LIMCH1: variants seen among roughly 807,000 people sequenced by gnomAD.
The protein encoded by LIMCH1 is LIM and calponin homology domains 1, also known as LIM and calponin homology domains-containing protein 1.
In LIMCH1, 113 loss-of-function variants were observed where a neutral mutation model predicts 176.5. That is an observed-to-expected ratio of 0.64 (90% confidence interval 0.55 to 0.75). LIMCH1 has a LOEUF of 0.75. LIMCH1 is among the 30% of genes least tolerant of loss of function. The pLI is 0.00. For missense variants in LIMCH1, 1,674 were observed against 1,814.9 expected (o/e 0.92, Z 1.41); for synonymous variants, 619 against 645.9 (o/e 0.96, Z 0.63).
chr4:41,674,113 C>G (rs2095139990), intron 22 of LIMCH1, among the ~76,000 whole-genome samples: 1 of 152,138 alleles, frequency 6.6e-6, no homozygotes, highest in South Asian at 2.1e-4. Context: ...CCTTTATCCT[C>G]CTCTTAAAAT....
chr4:41,553,322 A>G (rs2080791770), intron 1 of LIMCH1, among the ~76,000 whole-genome samples: 1 of 152,202 alleles, frequency 6.6e-6, no homozygotes, highest in African/African-American at 2.4e-5. Context: ...ATATATTCAC[A>G]AAGTGCTGTG....
At position 41,432,072 on chromosome 4, in the gene LIMCH1, A is replaced by G. The variant is rs2061652628; in HGVS notation, c.97-62464A>G. Among the ~76,000 whole-genome samples, 3 of 152,228 alleles carry G rather than the reference A, an allele frequency of 2.0e-5. 1 individual carries two copies. In the South Asian group the frequency reaches 6.2e-4, roughly 31 times the overall value. ...GGATGTTAAATAATTTGTCCAAGGCAGTATACTTAGTAAGATTAGCACTGG... is the reference window on the plus strand; with the variant it reads ...GGATGTTAAATAATTTGTCCAAGGCGGTATACTTAGTAAGATTAGCACTGG... On this transcript the variant is annotated intron_variant, in intron 1 of 26. Transcript: ENST00000313860.
At chr4:41,679,526 A>G (rs1713903821) in intron 23 of LIMCH1, among the ~76,000 whole-genome samples, 1 of 152,228 alleles carries the variant, frequency 6.6e-6, no homozygotes, top group Non-Finnish European at 1.5e-5. Flanking sequence ...GCAAAGAGTA[A>G]TTCAGCTATT....
At chr4:41,397,907 T>C (rs1479382818) in intron 1 of LIMCH1, among the ~76,000 whole-genome samples, 1 of 152,092 alleles carries the variant, frequency 6.6e-6, no homozygotes, top group Non-Finnish European at 1.5e-5. Context: ...AATTACAATT[T>C]TTATATTATG....
chr4:41,638,111 G>GTT (rs72184052), intron 13 of LIMCH1, among the ~76,000 whole-genome samples: 19,481 of 91,452 alleles, frequency 0.21, 1,508 homozygotes, highest in Admixed American at 0.33. Flanking sequence ...TTTTGTTGTT[G>GTT]TTGTTGTTGT....
At chr4:41,584,408 T>C (rs533587757) in intron 1 of LIMCH1, among the ~76,000 whole-genome samples, 1 of 152,322 alleles carries the variant, frequency 6.6e-6, no homozygotes, top group East Asian at 1.9e-4. Context: ...TGTGTTTCAG[T>C]AGTTCATCTG....
chr4:41,545,357 A>T (rs2079221427), intron 1 of LIMCH1, among the ~76,000 whole-genome samples: 1 of 152,194 alleles, frequency 6.6e-6, no homozygotes, highest in South Asian at 2.1e-4. Context: ...AGGATCTTTG[A>T]GTTCTGGATC....
At chr4:41,564,853 G>T (rs1445517291) in intron 1 of LIMCH1, among the ~76,000 whole-genome samples, 2 of 152,052 alleles carry the variant, frequency 1.3e-5, no homozygotes, top group African/African-American at 2.4e-5. Flanking sequence ...GAGTTGTCAC[G>T]AGATCTTATG....
At chr4:41,419,295 A>C (rs932930199) in intron 1 of LIMCH1, among the ~76,000 whole-genome samples, 1 of 152,020 alleles carries the variant, frequency 6.6e-6, no homozygotes, top group Admixed American at 6.6e-5. Flanking sequence ...CTCCTGCCTC[A>C]GCCTCCCGAG....
chr4:41,524,464 C>T, exon 3 of LIMCH1: 2 of 1,613,040 alleles, frequency 1.2e-6, no homozygotes, highest in South Asian at 1.1e-5. Flanking sequence ...ATTGCCTACC[C>T]CCATTGCAGG....
chr4:41,369,939 A>AGTGT (rs113302113), intron 1 of LIMCH1, among the ~76,000 whole-genome samples: 15 of 138,342 alleles, frequency 1.1e-4, no homozygotes, highest in South Asian at 4.9e-4. Context: ...CAGGAAGCAA[A>AGTGT]GTGTGTGTGT....
chr4:41,646,428 GTCT>G, intron 16 of LIMCH1, 54 bp from the exon 17 acceptor site: 1 of 1,576,100 alleles, frequency 6.3e-7, no homozygotes, highest in East Asian at 2.2e-5. Flanking sequence ...TTCTACCAAG[GTCT>G]TCTTTGCAAT....
chr4:41,472,765 A>T lies in LIMCH1; in HGVS notation c.97-21771A>T, dbSNP rs565130039. On this transcript the variant is annotated intron_variant, in intron 1 of 26. Transcript: ENST00000313860. ...CTGCAAGGTAGTCTTGGTTAGACAG[A>T]TTGGGAAACAGTATTTTATCCCCCT... is the stretch of plus-strand genomic sequence containing the variant. Among the ~76,000 whole-genome samples, 3 of 152,302 alleles carry T rather than the reference A, an allele frequency of 2.0e-5. No individual in the cohort carries two copies. In the East Asian group the frequency reaches 5.8e-4, roughly 29 times the overall value.
chr4:41,640,896 C>G (rs529331181), intron 14 of LIMCH1, among the ~76,000 whole-genome samples: 1 of 152,290 alleles, frequency 6.6e-6, no homozygotes, highest in South Asian at 2.1e-4. Flanking sequence ...CACCTCCTAA[C>G]CAGCCAAGAA....
At chr4:41,661,385 C>CTTT in intron 18 of LIMCH1, 35 bp from the exon 19 acceptor site, 1 of 1,417,582 alleles carries the variant, frequency 7.1e-7, no homozygotes, top group Non-Finnish European at 9.9e-7. Flanking sequence ...TTAAAGGAAT[C>CTTT]ATTTATTCAA....
chr4:41,555,516 A>T (rs749314832), intron 1 of LIMCH1, among the ~76,000 whole-genome samples: 45 of 152,194 alleles, frequency 3.0e-4, no homozygotes, highest in Admixed American at 4.6e-4. Flanking sequence ...CAGCATTCAA[A>T]ATGCAAAACA....
chr4:41,403,576 G>A (rs1350106501), intron 1 of LIMCH1, among the ~76,000 whole-genome samples: 1 of 152,154 alleles, frequency 6.6e-6, no homozygotes, highest in East Asian at 1.9e-4. Context: ...GTGAGACTCA[G>A]TCTCAAGTAA....
intron 3 of LIMCH1, among the ~76,000 whole-genome samples, chr4:41,531,882 C>T (rs557071092): frequency 2.4e-4 from 37 of 152,244 alleles, no homozygotes; most frequent in African/African-American, 8.4e-4. Flanking sequence ...TTTAGGGGAA[C>T]AAGTAAAAAC....
At chr4:41,436,197 G>T (rs2062062598) in intron 1 of LIMCH1, among the ~76,000 whole-genome samples, 1 of 152,190 alleles carries the variant, frequency 6.6e-6, no homozygotes, top group South Asian at 2.1e-4. Flanking sequence ...GGTGATTGTG[G>T]TGGTGGTTTG....
Sources: allele counts gnomAD v4.1 joint callset (sites outside exome capture counted in the v4.1 genomes callset), GRCh38; gene constraint gnomAD v4.1.1; transcripts MANE v1.5; gene names NCBI Gene and HGNC (gene_info 2026-07-23, HGNC 2026-07-21).